The following MEPE variants were observed in gnomAD, a reference collection of about 807,000 sequenced individuals.
MEPE encodes the protein matrix extracellular phosphoglycoprotein, also known as matrix, extracellular phosphoglycoprotein with ASARM motif (bone).
Under a neutral mutation model 7.3 loss-of-function variants are expected in MEPE, and 7 were observed. The ratio of observed to expected loss-of-function variants is 0.95; its 90% CI spans 0.54 to 1.79. The LOEUF (loss-of-function observed/expected upper bound fraction) is 1.79, where lower values mean the gene tolerates loss of function less well. Among genes scored for constraint, MEPE ranks in the 40% most tolerant of loss-of-function variants. MEPE has a pLI of 0.00. For synonymous variants in MEPE, 214 were observed against 213.1 expected, an observed-to-expected ratio of 1.00 and a Z score of -0.04; for missense variants, 623 against 628.2, an observed-to-expected ratio of 0.99 and a Z score of 0.09.
chr4:87,845,071 G>T lies in MEPE; in HGVS notation c.203G>T (p.Arg68Ile), dbSNP rs755680559. 1.2e-6 allele frequency: 2 copies of T among 1,613,358 alleles called. No individual in the cohort carries two copies. Among genetic ancestry groups the T allele is most frequent in the Non-Finnish European group, 1.7e-6 (2 of 1,179,632 alleles). The change falls in exon 4 of 4, where the codon AGA becomes ATA. Residue 68 changes from arginine to isoleucine, a missense_variant. Transcript: ENST00000361056. ...LSSKENIVQE[R>I]KKDLSLSEAS... is the part of the protein sequence containing the mutation. ...TCTAAAGAAAATATTGTCCAGGAAA[G>T]AAAGAAAGATTTGTCCCTTTCTGAA...
In MEPE at chr4:87,845,497, G is replaced by T; in HGVS notation, c.629G>T (p.Ser210Ile). 1 of 1,613,504 alleles carries T rather than the reference G, an allele frequency of 6.2e-7. No homozygotes were observed. Among genetic ancestry groups the T allele is most frequent in the Non-Finnish European group, 8.5e-7 (1 of 1,179,884 alleles). Reference sequence around the variant, plus strand: ...CAAGCCCAGAAAAGTCCAGTAAAAAGCAAAAGCACCCATCGTATTCAACAC... The same window carrying T: ...CAAGCCCAGAAAAGTCCAGTAAAAATCAAAAGCACCCATCGTATTCAACAC... ...DSQAQKSPVK[S>I]KSTHRIQHNI... The change falls in exon 4 of 4, where the codon AGC becomes ATC. Residue 210 changes from serine to isoleucine, a missense_variant. Ser to Ile is a moderately radical substitution (Grantham distance 142). Coordinates refer to ENST00000361056, the MANE Select transcript of MEPE (RefSeq NM_020203.6).
chr4:87,826,850 G>GT, intron 1 of MEPE, among the ~76,000 whole-genome samples: 1 of 151,966 alleles, frequency 6.6e-6, no homozygotes, highest in Admixed American at 6.5e-5. Context: ...GTTGGTTTTT[G>GT]TTTTTTTCTT....
chr4:87,822,367 A>G (rs1394609827), intron 1 of MEPE, among the ~76,000 whole-genome samples: 1 of 152,142 alleles, frequency 6.6e-6, no homozygotes, highest in East Asian at 1.9e-4. Flanking sequence ...GCAGACTCCC[A>G]GGACTTTCCC....
chr4:87,823,920 A>G (rs999557555), intron 1 of MEPE, among the ~76,000 whole-genome samples: 1 of 152,180 alleles, frequency 6.6e-6, no homozygotes, highest in Admixed American at 6.5e-5. Context: ...AGCTCTTTAA[A>G]ATACTTAGTG....
intron 3 of MEPE, among the ~76,000 whole-genome samples, chr4:87,843,374 C>T (rs1723088080): frequency 1.3e-5 from 2 of 152,186 alleles, no homozygotes; most frequent in Admixed American, 6.5e-5. Flanking sequence ...TATGATGTCT[C>T]TGCCTCACAG....
At chr4:87,838,120 A>AT (rs1435843924) in intron 2 of MEPE, among the ~76,000 whole-genome samples, 1 of 152,184 alleles carries the variant, frequency 6.6e-6, no homozygotes, top group Non-Finnish European at 1.5e-5. Flanking sequence ...TACCATTCAC[A>AT]TGAACGGCTA....
chr4:87,839,791 C>T, intron 3 of MEPE: 1 of 1,546,868 alleles, frequency 6.5e-7, no homozygotes, highest in Non-Finnish European at 8.7e-7. Context: ...AGCTGAATCT[C>T]TGAATGACCA....
At chr4:87,840,134 T>TCAGAGCATATGGTAGA in intron 3 of MEPE, 1 of 1,459,356 alleles carries the variant, frequency 6.9e-7, no homozygotes, top group Non-Finnish European at 9.1e-7. Flanking sequence ...TATTCTACCA[T>TCAGAGCATATGGTAGA]ATGCTCTGAT....
chr4:87,843,060 G>A (rs929999777), intron 3 of MEPE, among the ~76,000 whole-genome samples: 2 of 152,012 alleles, frequency 1.3e-5, no homozygotes, highest in South Asian at 2.1e-4. Context: ...TAACATTCCA[G>A]TCCATTTTAG....
chr4:87,829,584 A>G (rs727420), upstream of MEPE, among the ~76,000 whole-genome samples: 2 of 152,084 alleles, frequency 1.3e-5, no homozygotes, highest in Non-Finnish European at 2.9e-5. Flanking sequence ...TGTTTGCTCT[A>G]TAACTGGATC....
At chr4:87,838,537 C>T (rs1227380704) in intron 2 of MEPE, 95 bp from the exon 3 acceptor site, 3 of 1,102,654 alleles carry the variant, frequency 2.7e-6, no homozygotes, top group Non-Finnish European at 4.1e-6. Context: ...AATAATACAA[C>T]TCAGTGAGAG....
At chr4:87,843,865 C>A (rs1214059886) in intron 3 of MEPE, among the ~76,000 whole-genome samples, 1 of 152,154 alleles carries the variant, frequency 6.6e-6, no homozygotes, top group African/African-American at 2.4e-5. Flanking sequence ...ATGGCTTACA[C>A]CATAGTGAAG....
intron 3 of MEPE, among the ~76,000 whole-genome samples, chr4:87,841,115 T>C (rs956016422): frequency 2.6e-5 from 4 of 152,196 alleles, no homozygotes; most frequent in African/African-American, 9.6e-5. Flanking sequence ...TTAGTGTACA[T>C]GTTACTTTTT....
intron 2 of MEPE, among the ~76,000 whole-genome samples, chr4:87,836,537 AACT>A (rs1722799943): frequency 6.6e-6 from 1 of 152,000 alleles, no homozygotes; most frequent in South Asian, 2.1e-4. Flanking sequence ...CAATTTCCAG[AACT>A]GTTTGCCCTG....
chr4:87,842,675 C>G (rs1159926008), intron 3 of MEPE, among the ~76,000 whole-genome samples: 2 of 152,096 alleles, frequency 1.3e-5, no homozygotes, highest in Non-Finnish European at 2.9e-5. Context: ...TTCGAAGGAA[C>G]ACTAAACTTT....
At position 87,845,066 on chromosome 4, in the gene MEPE, GGAAA is replaced by G. The variant is rs753138805; in HGVS notation, c.209_212del (p.Lys70IlefsTer26). 1,061 of 1,613,390 alleles carry G rather than the reference GGAAA, an allele frequency of 6.6e-4. No individual in the cohort carries two copies. The highest frequency in any genetic ancestry group is 7.3e-4 in the Non-Finnish European group (858 of 1,179,716). Reference sequence around the variant, plus strand: ...TATCATCTAAAGAAAATATTGTCCAGGAAAGAAAGAAAGATTTGTCCCTTTCTGA... The same window carrying G: ...TATCATCTAAAGAAAATATTGTCCAGGAAAGAAAGATTTGTCCCTTTCTGA... On this transcript the variant is annotated frameshift_variant, in exon 4 of 4. Coordinates refer to ENST00000361056, the MANE Select transcript of MEPE (RefSeq NM_020203.6). LOFTEE classifies it low-confidence loss of function (END_TRUNC).
At chr4:87,836,127 G>A (rs2109999184) in intron 2 of MEPE, among the ~76,000 whole-genome samples, 1 of 152,100 alleles carries the variant, frequency 6.6e-6, no homozygotes, top group South Asian at 2.1e-4. Context: ...TAAATATGAT[G>A]TTTTCTTCCA....
At chr4:87,840,940 T>G (rs1005255796) in intron 3 of MEPE, among the ~76,000 whole-genome samples, 5 of 152,206 alleles carry the variant, frequency 3.3e-5, no homozygotes, top group African/African-American at 9.7e-5. Flanking sequence ...CATCGAACAG[T>G]CAGAAATCAT....
chr4:87,837,631 C>T (rs982037734), intron 2 of MEPE: 3 of 152,172 alleles, frequency 2.0e-5, no homozygotes, highest in Non-Finnish European at 4.4e-5. Flanking sequence ...TTCAATCTTT[C>T]CCTTAAGGGG....
Sources: allele counts gnomAD v4.1 joint callset (sites outside exome capture counted in the v4.1 genomes callset), GRCh38; gene constraint gnomAD v4.1.1; transcripts MANE v1.5; gene names NCBI Gene and HGNC (gene_info 2026-07-23, HGNC 2026-07-21).